Variants in UNKL observed in about 807,000 individuals in gnomAD.
UNKL encodes putative E3 ubiquitin-protein ligase UNKL.
In UNKL, 60 loss-of-function variants were observed where a neutral mutation model predicts 78.0. The observed-to-expected ratio is 0.77, with a 90% CI of 0.63 to 0.95. The LOEUF (loss-of-function observed/expected upper bound fraction) is 0.95, where lower values mean the gene tolerates loss of function less well. Among genes scored for constraint, UNKL ranks in the 40% least tolerant of loss-of-function variants. The pLI is 0.00. For synonymous variants in UNKL, 608 were observed against 474.8 expected (o/e 1.28, Z -3.65); for missense variants, 1,159 against 1,045.7 (o/e 1.11, Z -1.49).
rs1483257009 is a variant in UNKL at position 1,399,661 on chromosome 16, T to C, written c.599-152A>G. 1.7e-6 allele frequency: 2 copies of C among 1,175,294 alleles called. No homozygotes were observed. Among genetic ancestry groups the C allele is most frequent in the Admixed American group, 2.5e-5 (1 of 39,792 alleles). The allele number at this position is 1,175,294 out of a possible 1,614,324, so 72.8% of individuals were successfully genotyped here. A position where few individuals can be genotyped will look rare whatever the true frequency, so the allele number is the denominator to read the frequency against. On this transcript the variant is annotated intron_variant, in intron 4 of 14. Transcript: ENST00000389221. The surrounding 1 kb of genome is among the most constrained non-coding windows in gnomAD (Gnocchi z 5.8). ...AGACACACGCCACGGCACACGCTGA[T>C]GTCAAAGGACTCGCGCTCCATGAGG...
chr16:1,367,522 T>A (rs1462668068), intron 13 of UNKL, 134 bp downstream of exon 13: 3 of 187,276 alleles, frequency 1.6e-5, no homozygotes, highest in Non-Finnish European at 2.2e-5. Flanking sequence ...CCCCCTCCCG[T>A]CTCACCCCCC....
chr16:1,392,346 G>C (rs139073679), intron 8 of UNKL, among the ~76,000 whole-genome samples: 164 of 152,224 alleles, frequency 1.1e-3, no homozygotes, highest in African/African-American at 3.6e-3. Flanking sequence ...TGCAGATTGA[G>C]GCTGCATAAC....
chr16:1,365,728 C>A lies in UNKL; in HGVS notation c.*512G>T, dbSNP rs1371867889. 6.6e-6 allele frequency: 1 copy of A among 152,630 alleles called. No homozygotes were observed. Among genetic ancestry groups the A allele is most frequent in the Non-Finnish European group, 1.5e-5 (1 of 68,142 alleles). 9.5% of individuals were successfully genotyped at this position (152,630 alleles called of 1,614,324 possible). A position where few individuals can be genotyped will look rare whatever the true frequency, so the allele number is the denominator to read the frequency against. The stretch of plus-strand genomic sequence containing the variant: ...ATATATTTAGCATACTATGAATTGA[C>A]AATAAACTGATATGAAATATTTAAG... On this transcript the variant is annotated 3_prime_UTR_variant, in exon 15 of 15. Coordinates refer to ENST00000389221, the MANE Select transcript of UNKL (RefSeq NM_001372107.1).
rs899708581 is a variant in UNKL, at chr16:1,413,965, G to A, written c.168C>T (p.His56=). ...QHRPFTCFHW[H]FLNQRRRRPL... ...GCCTGCGGCGCCGCTGGTTGAGGAA[G>A]TGCCAGTGGAAGCAGGTGAACGGCC... is the stretch of plus-strand genomic sequence containing the variant. The change falls in exon 2 of 15, where the codon CAC becomes CAT. Residue 56 remains histidine (H), a synonymous_variant. Transcript: ENST00000389221. The A allele has an allele frequency of 8.4e-6, 13 of 1,552,790 alleles. No homozygotes were observed. In the African/African-American group the frequency reaches 1.8e-4, roughly 21 times the overall value.
At chr16:1,391,748 C>T (rs1043886766) in intron 8 of UNKL, among the ~76,000 whole-genome samples, 14 of 152,076 alleles carry the variant, frequency 9.2e-5, no homozygotes, top group Non-Finnish European at 5.9e-5. Context: ...AGTGCAGTGG[C>T]GCGATCTCAG....
intron 8 of UNKL, among the ~76,000 whole-genome samples, 162 bp from the exon 9 acceptor site, chr16:1,390,856 C>G (rs1185919607): frequency 6.6e-6 from 1 of 152,058 alleles, no homozygotes; most frequent in Non-Finnish European, 1.5e-5. Context: ...ATGGTGAAAA[C>G]CTGTCTCTAC....
rs187805776 is a variant in UNKL at position 1,377,291 on chromosome 16, G to A, written c.1265-5680C>T. The stretch of plus-strand genomic sequence containing the variant: ...CTTGCCTCATCTCCCAAAGTGCTGG[G>A]ATTACAGGTGCAAGCCACCATGCCC... On this transcript the variant is annotated intron_variant, in intron 10 of 14. Transcript: ENST00000389221. Among the ~76,000 whole-genome samples, 19 of 152,198 alleles carry A rather than the reference G, an allele frequency of 1.2e-4. No individual in the cohort carries two copies. The East Asian group carries it at 3.5e-3, about 28-fold the overall frequency.
At chr16:1,388,423 C>T (rs1227274948) in intron 9 of UNKL, among the ~76,000 whole-genome samples, 1 of 152,164 alleles carries the variant, frequency 6.6e-6, no homozygotes, top group African/African-American at 2.4e-5. Flanking sequence ...GAGGGGACTC[C>T]ACCCCGGAGG....
chr16:1,398,880 G>T, intron 5 of UNKL: 2 of 1,575,388 alleles, frequency 1.3e-6, no homozygotes, highest in East Asian at 2.3e-5. Flanking sequence ...ACCCTGGGCA[G>T]GGCGACCCTT....
At chr16:1,404,887 G>A (rs1567236384) in intron 2 of UNKL, among the ~76,000 whole-genome samples, 1 of 152,152 alleles carries the variant, frequency 6.6e-6, no homozygotes, top group Non-Finnish European at 1.5e-5. Context: ...CCACACAGTG[G>A]GGTATTTTTC....
chr16:1,412,878 G>A (rs1309134654), intron 2 of UNKL, among the ~76,000 whole-genome samples: 3 of 151,964 alleles, frequency 2.0e-5, no homozygotes, highest in African/African-American at 7.3e-5. Context: ...GCTACAGCAA[G>A]AACCCTGTCT....
intron 10 of UNKL, among the ~76,000 whole-genome samples, chr16:1,378,178 C>T (rs2036369802): frequency 6.6e-6 from 1 of 152,190 alleles, no homozygotes; most frequent in African/African-American, 2.4e-5. Flanking sequence ...TTGCAGGTGT[C>T]AGCCTGAACC....
chr16:1,371,476 C>G (rs1452385603), intron 11 of UNKL, 43 bp downstream of exon 11: 2 of 1,527,052 alleles, frequency 1.3e-6, no homozygotes, highest in Admixed American at 2.0e-5. Context: ...CTTGGCTGTT[C>G]AGCGGCTGGA....
At position 1,408,268 on chromosome 16, in the gene UNKL, C is replaced by A. The variant is rs980702685; in HGVS notation, c.288-4924G>T. 4.5e-4 allele frequency among the ~76,000 whole-genome samples: 69 copies of A among 152,338 alleles called. 1 individual carries two copies. Among genetic ancestry groups the A allele is most frequent in the African/African-American group, 1.6e-3 (66 of 41,582 alleles). On this transcript the variant is annotated intron_variant, in intron 2 of 14. Coordinates refer to ENST00000389221, the MANE Select transcript of UNKL (RefSeq NM_001372107.1). ...ACGCCCACATGGGAGCTGCCCCCCC[C>A]CCCAACGACCAGGACGGTTCCCACG...
intron 2 of UNKL, chr16:1,412,015 G>T (rs1414888612): frequency 6.6e-6 from 1 of 152,180 alleles, no homozygotes; most frequent in East Asian, 1.9e-4. Context: ...GGTCCCTGGA[G>T]AATCAGCTCC....
At position 1,367,125 on chromosome 16, in the gene UNKL, A is replaced by G. The variant is rs1297634071; in HGVS notation, c.2013T>C (p.Ser671=). The change falls in exon 14 of 15, where the codon AGT becomes AGC. Residue 671 remains serine, a synonymous_variant. Coordinates refer to ENST00000389221, the MANE Select transcript of UNKL (RefSeq NM_001372107.1). ...CCGCCTCCAGGTCCAGGCGCAGCTG[A>G]CTCTGCAGCGAGTGCAGCTTCGGCA... ...IPLPKLHSLQ[S]QLRLDLEAVD... 2.5e-6 allele frequency: 4 copies of G among 1,590,828 alleles called. No individual in the cohort carries two copies. Among genetic ancestry groups the G allele is most frequent in the Non-Finnish European group, 3.4e-6 (4 of 1,171,952 alleles).
intron 14 of UNKL, 75 bp downstream of exon 14, chr16:1,367,017 C>G: frequency 6.9e-7 from 1 of 1,454,206 alleles, no homozygotes; most frequent in South Asian, 1.4e-5. Context: ...ACCGCACCAG[C>G]CAGGGCCCTC....
intron 10 of UNKL, among the ~76,000 whole-genome samples, chr16:1,382,608 G>C (rs1383023340): frequency 6.6e-6 from 1 of 152,198 alleles, no homozygotes; most frequent in Non-Finnish European, 1.5e-5. Flanking sequence ...CACCAGGGCT[G>C]CGAGGGGGAG....
At chr16:1,391,663 C>T (rs573669049) in intron 8 of UNKL, among the ~76,000 whole-genome samples, 51 of 152,020 alleles carry the variant, frequency 3.4e-4, no homozygotes, top group African/African-American at 1.1e-3. Context: ...GGCTCCCTGT[C>T]GGTTCTCCTG....
Sources: allele counts gnomAD v4.1 joint callset (sites outside exome capture counted in the v4.1 genomes callset), GRCh38; gene constraint gnomAD v4.1.1; non-coding constraint Gnocchi (gnomAD v3.1); transcripts MANE v1.5; gene names NCBI Gene and HGNC (gene_info 2026-07-23, HGNC 2026-07-21).